Variants in PTPRQ observed in about 807,000 individuals in gnomAD.
PTPRQ encodes the protein phosphatidylinositol phosphatase PTPRQ.
In PTPRQ, 199 loss-of-function variants were observed where a neutral mutation model predicts 246.0. The ratio of observed to expected loss-of-function variants is 0.81; its 90% CI spans 0.72 to 0.91. The LOEUF (loss-of-function observed/expected upper bound fraction) is 0.91. PTPRQ is among the 40% of genes least tolerant of loss of function. The pLI is 0.00. For synonymous variants in PTPRQ, 869 were observed against 853.2 expected (o/e 1.02, Z -0.32); for missense variants, 2,624 against 2,528.4 (o/e 1.04, Z -0.81).
rs1248156720 is a variant in PTPRQ, at chr12:80,542,146, T to C, written c.3503T>C (p.Leu1168Pro). ...AAAAACCTTTCCTCTACCTCAGTTC[T>C]CTTATCATGGGATCCCCCAGTAAAG... The part of the protein sequence containing the change: ...TFKNLSSTSV[L>P]LSWDPPVKPN... Residue 1168 changes from leucine to proline, a missense_variant, in exon 22 of 45, where the codon CTC (leucine) becomes CCC (proline). Transcript: ENST00000644991. The C allele has an allele frequency of 6.4e-7, 1 of 1,551,030 alleles. No individual in the cohort carries two copies. Among genetic ancestry groups the C allele is most frequent in the Admixed American group, 2.0e-5 (1 of 50,968 alleles).
chr12:80,456,865 T>C (rs1482347105), intron 3 of PTPRQ, among the ~76,000 whole-genome samples: 2 of 152,150 alleles, frequency 1.3e-5, no homozygotes, highest in East Asian at 3.9e-4. Flanking sequence ...GATACATTAT[T>C]ATTCCCATTT....
intron 39 of PTPRQ, among the ~76,000 whole-genome samples, chr12:80,659,001 T>C (rs1264357317): frequency 6.6e-6 from 1 of 152,062 alleles, no homozygotes; most frequent in Non-Finnish European, 1.5e-5. Context: ...GAATTAGTTC[T>C]AAATCTGATA....
intron 14 of PTPRQ, among the ~76,000 whole-genome samples, chr12:80,498,788 T>C (rs1894706297): frequency 6.6e-6 from 1 of 152,100 alleles, no homozygotes; most frequent in Non-Finnish European, 1.5e-5. Context: ...TTATCAAGTA[T>C]TTCGTTTAAG....
rs754141664 is a variant in PTPRQ at position 80,588,412 on chromosome 12, C to A, written c.4569C>A (p.Gly1523=). Reference sequence around the variant, plus strand: ...CTGCCAGCACCAATGCTGGCTATGGCAATGCTTCAAACTGGATTTCTACAA... The same window carrying A: ...CTGCCAGCACCAATGCTGGCTATGGAAATGCTTCAAACTGGATTTCTACAA... The part of the protein sequence containing the change: ...QVAASTNAGY[G]NASNWISTKT... Residue 1523 remains glycine, a synonymous_variant, in exon 26 of 45, where the codon GGC becomes GGA. Transcript: ENST00000644991. The A allele has an allele frequency of 6.6e-7, 1 of 1,507,852 alleles. No homozygotes were observed. The highest frequency in any genetic ancestry group is 2.2e-5 in the Admixed American group (1 of 44,926). The allele number at this position is 1,507,852 out of a possible 1,614,324, so 93.4% of individuals were successfully genotyped here.
chr12:80,610,695 C>T, intron 28 of PTPRQ, 70 bp downstream of exon 28: 2 of 1,491,824 alleles, frequency 1.3e-6, no homozygotes, highest in Admixed American at 2.3e-5. Flanking sequence ...GTTCATCATA[C>T]TCCACCAAAA....
At chr12:80,449,206 A>G (rs1385627583) in intron 3 of PTPRQ, among the ~76,000 whole-genome samples, 3 of 150,830 alleles carry the variant, frequency 2.0e-5, no homozygotes, top group Non-Finnish European at 3.0e-5. Flanking sequence ...TCCTTCACCC[A>G]CTTTTTGATG....
intron 8 of PTPRQ, among the ~76,000 whole-genome samples, chr12:80,473,059 A>G (rs903363150): frequency 4.6e-5 from 7 of 151,352 alleles, no homozygotes; most frequent in African/African-American, 9.7e-5. Flanking sequence ...ACACACACAC[A>G]CACACACACA....
At chr12:80,522,520 A>C (rs1340981978) in intron 17 of PTPRQ, among the ~76,000 whole-genome samples, 2 of 151,998 alleles carry the variant, frequency 1.3e-5, no homozygotes, top group South Asian at 2.1e-4. Context: ...AGCTCTTATT[A>C]TTTTGAAATA....
rs1592568541 is a variant in PTPRQ at position 80,484,540 on chromosome 12, G to A, written c.1294G>A (p.Val432Met). 1.9e-6 allele frequency: 3 copies of A among 1,551,058 alleles called. No individual in the cohort carries two copies. ...QPNGIINQYRVKVLVPETGII... is the reference protein window; with the variant it reads ...QPNGIINQYRMKVLVPETGII... ...AAATGGAATTATTAACCAATACCGA[G>A]TGAAAGTGCTAGTTCCAGAGACAGG... The change falls in exon 9 of 45, where the codon GTG becomes ATG. Residue 432 changes from valine to methionine, a missense_variant. Val to Met is a conservative substitution (Grantham distance 21). Coordinates refer to ENST00000644991, the MANE Select transcript of PTPRQ (RefSeq NM_001145026.2).
At chr12:80,589,226 TTGTGATGGTTACTA>T (rs1897714078) in intron 26 of PTPRQ, among the ~76,000 whole-genome samples, 1 of 152,158 alleles carries the variant, frequency 6.6e-6, no homozygotes, top group South Asian at 2.1e-4. Context: ...TTACATAGAA[TTGTGATGGTTACTA>T]TGCAACATAA....
chr12:80,560,227 G>A (rs144223023), intron 25 of PTPRQ, among the ~76,000 whole-genome samples: 116 of 152,254 alleles, frequency 7.6e-4, no homozygotes, highest in African/African-American at 2.7e-3. Flanking sequence ...CAGTGTCTTG[G>A]GAGCTCTTTG....
intron 43 of PTPRQ, among the ~76,000 whole-genome samples, chr12:80,673,843 T>C (rs1052525308): frequency 1.3e-5 from 2 of 152,138 alleles, no homozygotes; most frequent in Non-Finnish European, 2.9e-5. Context: ...ACAAAATATA[T>C]ACAATTTTTA....
At chr12:80,480,325 C>G (rs907219785) in intron 8 of PTPRQ, among the ~76,000 whole-genome samples, 4 of 152,098 alleles carry the variant, frequency 2.6e-5, no homozygotes, top group South Asian at 2.1e-4. Context: ...TTGAAACCAA[C>G]TAGAACAAAG....
At chr12:80,581,259 A>T (rs1897425457) in intron 25 of PTPRQ, among the ~76,000 whole-genome samples, 1 of 152,212 alleles carries the variant, frequency 6.6e-6, no homozygotes, top group Non-Finnish European at 1.5e-5. Context: ...AAAAGAATAA[A>T]TAAAAGAAGG....
At chr12:80,455,577 T>G (rs145454931) in intron 3 of PTPRQ, among the ~76,000 whole-genome samples, 2,601 of 143,128 alleles carry the variant, frequency 0.018, 27 homozygotes, top group Non-Finnish European at 0.026. Flanking sequence ...TAAAAAAGTC[T>G]CGTCCTTTAC....
chr12:80,604,731 G>A (rs563839244), intron 26 of PTPRQ, among the ~76,000 whole-genome samples: 93 of 151,506 alleles, frequency 6.1e-4, no homozygotes, highest in African/African-American at 2.1e-3. Flanking sequence ...TAGGTTAACT[G>A]TTTTAAAATA....
At chr12:80,608,547 T>TAATTTATAAATTATACTTATAAATTATA (rs139449326) in intron 27 of PTPRQ, among the ~76,000 whole-genome samples, 9,255 of 147,878 alleles carry the variant, frequency 0.063, 356 homozygotes, top group East Asian at 0.12. Context: ...TGGAAGAGTA[T>TAATTTATAAATTATACTTATAAATTATA]AATTTATAAA....
At chr12:80,593,155 T>C (rs1342275273) in intron 26 of PTPRQ, among the ~76,000 whole-genome samples, 1 of 152,166 alleles carries the variant, frequency 6.6e-6, no homozygotes, top group African/African-American at 2.4e-5. Flanking sequence ...CCTAATGACA[T>C]AAAGTTGTAC....
At chr12:80,492,014 A>G (rs952590765) in intron 9 of PTPRQ, among the ~76,000 whole-genome samples, 1 of 151,926 alleles carries the variant, frequency 6.6e-6, no homozygotes, top group Non-Finnish European at 1.5e-5. Flanking sequence ...TAAGTTTTGA[A>G]GCAGAACTTG....
Sources: gnomAD v4.1 joint callset for allele counts (sites outside exome capture counted in the v4.1 genomes callset) on GRCh38, gnomAD v4.1.1 for gene constraint, MANE v1.5 for transcripts, NCBI Gene and HGNC (gene_info 2026-07-23, HGNC 2026-07-21) for gene names.